The following ASCC2 variants were observed in gnomAD, a reference collection of about 807,000 sequenced individuals.
ASCC2 encodes activating signal cointegrator 1 complex subunit 2, also known as ASC-1 complex subunit P100.
In ASCC2, 42 loss-of-function variants were observed where a neutral mutation model predicts 93.5. That is an observed-to-expected ratio of 0.45 (90% CI 0.35 to 0.58). The LOEUF (loss-of-function observed/expected upper bound fraction) is 0.58, where lower values mean the gene tolerates loss of function less well. Ranked by LOEUF, ASCC2 falls within the 20% of genes least tolerant of loss-of-function variation. ASCC2 has a pLI of 0.00. For missense variants in ASCC2, 859 were observed against 977.6 expected, an observed-to-expected ratio of 0.88 and a Z score of 1.62; for synonymous variants, 364 against 384.2, an observed-to-expected ratio of 0.95 and a Z score of 0.62.
chr22:29,806,570 G>C lies in ASCC2; in HGVS notation c.1017-17C>G, dbSNP rs750697009. 1 of 1,609,532 alleles carries C rather than the reference G, an allele frequency of 6.2e-7. No individual in the cohort carries two copies. Among genetic ancestry groups the C allele is most frequent in the Non-Finnish European group, 8.5e-7 (1 of 1,176,524 alleles). On this transcript the variant is annotated splice_polypyrimidine_tract_variant and intron_variant, in intron 10 of 19. Coordinates refer to ENST00000307790, the MANE Select transcript of ASCC2 (RefSeq NM_032204.5). ...TTGTCACAGCTAGAACAAGACACCA[G>C]GGAAGATGAGCTCATGCAATGCAAG...
At chr22:29,801,788 T>C (rs545346739) in intron 14 of ASCC2, among the ~76,000 whole-genome samples, 2 of 152,272 alleles carry the variant, frequency 1.3e-5, no homozygotes, top group Non-Finnish European at 1.5e-5. Flanking sequence ...CAGGGATGTG[T>C]ACACTCTCTG....
chr22:29,828,781 G>A (rs1172180330), intron 2 of ASCC2, among the ~76,000 whole-genome samples: 2 of 152,240 alleles, frequency 1.3e-5, no homozygotes, highest in Non-Finnish European at 2.9e-5. Context: ...AGAGGCACAA[G>A]AAAACTTTCA....
At chr22:29,836,566 T>C (rs2063816548) in intron 1 of ASCC2, 1 of 152,030 alleles carries the variant, frequency 6.6e-6, no homozygotes, top group Non-Finnish European at 1.5e-5. Context: ...ATTTCATTCA[T>C]TCCTTTTTTT....
chr22:29,831,637 A>G (rs1390167304), intron 2 of ASCC2, among the ~76,000 whole-genome samples: 1 of 152,190 alleles, frequency 6.6e-6, no homozygotes, highest in Non-Finnish European at 1.5e-5. Context: ...GGAAAACAAC[A>G]AGTGGGTATA....
At chr22:29,834,708 G>C (rs2063562299) in intron 1 of ASCC2, among the ~76,000 whole-genome samples, 1 of 152,102 alleles carries the variant, frequency 6.6e-6, no homozygotes, top group African/African-American at 2.4e-5. Context: ...AGGACAACAA[G>C]GATTACCATG....
Position 29,788,750 on chromosome 22 carries a change from C to G in ASCC2, c.*263G>C, listed in dbSNP as rs2068460241. The G allele has an allele frequency of 3.9e-6, 2 of 506,428 alleles. No individual in the cohort carries two copies. The highest frequency in any genetic ancestry group is 7.1e-6 in the Non-Finnish European group (2 of 281,038). 31.4% of individuals were successfully genotyped at this position (506,428 alleles called of 1,614,324 possible). ...TTGCCTTGGGACTCCATCCCCATCT[C>G]TTTCCCGCTAGCGCAGCTGGGGGAA... On this transcript the variant is annotated 3_prime_UTR_variant, in exon 20 of 20. Transcript: ENST00000307790.
intron 19 of ASCC2, among the ~76,000 whole-genome samples, 162 bp from the exon 20 acceptor site, chr22:29,789,346 G>C (rs1485175304): frequency 7.4e-6 from 1 of 135,640 alleles, no homozygotes; most frequent in East Asian, 2.9e-4. Flanking sequence ...CCCAGCAGGG[G>C]CAGGGCCCTG....
chr22:29,807,235 CAAAA>C (rs553545816), intron 9 of ASCC2, among the ~76,000 whole-genome samples: 4 of 46,470 alleles, frequency 8.6e-5, no homozygotes, highest in Admixed American at 2.4e-4. Context: ...GACCCTGTCT[CAAAA>C]AAAAAAAAAA....
chr22:29,791,005 C>A (rs2057673543), intron 18 of ASCC2, among the ~76,000 whole-genome samples: 1 of 152,160 alleles, frequency 6.6e-6, no homozygotes, highest in South Asian at 2.1e-4. Flanking sequence ...TCAAGGACAG[C>A]CTTCTCTGCC....
At chr22:29,800,513 G>A (rs1481127268) in intron 15 of ASCC2, among the ~76,000 whole-genome samples, 5 of 152,040 alleles carry the variant, frequency 3.3e-5, no homozygotes, top group African/African-American at 1.2e-4. Flanking sequence ...AATCATGAAC[G>A]GAATTTTCAA....
intron 5 of ASCC2, among the ~76,000 whole-genome samples, chr22:29,818,300 T>G (rs1271075224): frequency 4.0e-5 from 6 of 151,722 alleles, no homozygotes; most frequent in African/African-American, 1.5e-4. Context: ...CTGCTGTGTA[T>G]GTGTGTGTGA....
chr22:29,825,349 C>T lies in ASCC2; in HGVS notation c.241-92G>A, dbSNP rs1265578398. 1 of 1,431,768 alleles carries T rather than the reference C, an allele frequency of 7.0e-7. No individual in the cohort carries two copies. Among genetic ancestry groups the T allele is most frequent in the Non-Finnish European group, 9.4e-7 (1 of 1,059,024 alleles). 88.7% of individuals were successfully genotyped at this position (1,431,768 alleles called of 1,614,324 possible). ...TGCAGGGACTCAATGCCCATCAGCC[C>T]TGCCCTATTCCAAACACTCCGACCC... On this transcript the variant is annotated intron_variant, in intron 3 of 19. Coordinates refer to ENST00000307790, the MANE Select transcript of ASCC2 (RefSeq NM_032204.5). The surrounding 1 kb of genome is among the most constrained non-coding windows in gnomAD (Gnocchi z 4.9).
rs1197738934 is a variant in ASCC2 at position 29,816,078 on chromosome 22, AAAGAG to A, written c.542-10_542-6del. The A allele has an allele frequency of 1.9e-6, 3 of 1,588,478 alleles. No individual in the cohort carries two copies. The highest frequency in any genetic ancestry group is 2.6e-6 in the Non-Finnish European group (3 of 1,165,890). On this transcript the variant is annotated splice_region_variant and splice_polypyrimidine_tract_variant and intron_variant, in intron 5 of 19. Transcript: ENST00000307790. The stretch of plus-strand genomic sequence containing the variant: ...GCTGCTGTGTAAAGATGTTTCCTAA[AAAGAG>A]AAGAGAAAGGTTGGAATTGAGAAAA...
intron 12 of ASCC2, among the ~76,000 whole-genome samples, chr22:29,805,776 TC>T (rs1330521820): frequency 6.6e-6 from 1 of 151,948 alleles, no homozygotes; most frequent in Non-Finnish European, 1.5e-5. Flanking sequence ...CTTGGTGCTC[TC>T]CCATTCTTTC....
intron 15 of ASCC2, chr22:29,799,259 T>G (rs2058794027): frequency 6.6e-6 from 1 of 152,288 alleles, no homozygotes; most frequent in South Asian, 2.1e-4. Context: ...ACCCCTTGTC[T>G]GCCCCTTGCC....
chr22:29,815,661 A>C (rs754465544), intron 6 of ASCC2, among the ~76,000 whole-genome samples: 1 of 152,304 alleles, frequency 6.6e-6, no homozygotes, highest in South Asian at 2.1e-4. Context: ...TTCATGAAAT[A>C]ATTTTGTAAA....
intron 6 of ASCC2, among the ~76,000 whole-genome samples, chr22:29,815,734 C>T (rs1189493109): frequency 6.6e-6 from 1 of 152,218 alleles, no homozygotes. Context: ...AGGCATATGG[C>T]TGTTGGCAAG....
At chr22:29,822,613 C>T (rs2061696487) in intron 4 of ASCC2, 149 bp from the exon 5 acceptor site, 1 of 780,732 alleles carries the variant, frequency 1.3e-6, no homozygotes. Flanking sequence ...TGGCCATTCT[C>T]CCCCCGCCCT....
chr22:29,804,386 T>C (rs2059436528), intron 13 of ASCC2, among the ~76,000 whole-genome samples: 1 of 152,192 alleles, frequency 6.6e-6, no homozygotes, highest in Non-Finnish European at 1.5e-5. Flanking sequence ...CTCTTCATTT[T>C]ATAGAGGGGA....
Sources: allele counts gnomAD v4.1 joint callset (sites outside exome capture counted in the v4.1 genomes callset), GRCh38; gene constraint gnomAD v4.1.1; non-coding constraint Gnocchi (gnomAD v3.1); transcripts MANE v1.5; gene names NCBI Gene and HGNC (gene_info 2026-07-23, HGNC 2026-07-21).